Variants in GRM5 observed in about 807,000 individuals in gnomAD.
GRM5 encodes metabotropic glutamate receptor 5.
GRM5 carries 19 observed loss-of-function variants against 83.1 expected under a neutral mutation model. That is an observed-to-expected ratio of 0.23 (90% CI 0.16 to 0.34). The LOEUF (loss-of-function observed/expected upper bound fraction) is 0.34. Among genes scored for constraint, GRM5 ranks in the 10% least tolerant of loss-of-function variants. GRM5 has a pLI of 1.00. For missense variants in GRM5, 1,160 were observed against 1,588.3 expected (o/e 0.73, Z 4.58); for synonymous variants, 675 against 633.6 (o/e 1.07, Z -0.98).
intron 2 of GRM5, among the ~76,000 whole-genome samples, chr11:88,979,031 A>C (rs1161037138): frequency 6.6e-6 from 1 of 152,220 alleles, no homozygotes; most frequent in Non-Finnish European, 1.5e-5. Flanking sequence ...GTTTTAAGAA[A>C]AATTCATTTC....
At chr11:89,036,242 C>T (rs760024173) in intron 2 of GRM5, among the ~76,000 whole-genome samples, 1 of 151,972 alleles carries the variant, frequency 6.6e-6, no homozygotes, top group Non-Finnish European at 1.5e-5. Flanking sequence ...AGGAGGAAAG[C>T]GTGGGGTGTA....
At chr11:89,059,985 A>C (rs1321300948) in intron 1 of GRM5, among the ~76,000 whole-genome samples, 1 of 152,122 alleles carries the variant, frequency 6.6e-6, no homozygotes, top group Non-Finnish European at 1.5e-5. Flanking sequence ...ACATAAATTT[A>C]AGTAACTTGC....
At chr11:88,772,394 A>C (rs941948310) in intron 3 of GRM5, among the ~76,000 whole-genome samples, 8 of 151,608 alleles carry the variant, frequency 5.3e-5, no homozygotes, top group African/African-American at 1.9e-4. Context: ...TTTAAATATC[A>C]ATCATGTACT....
At chr11:88,608,722 A>G (rs996552125) in intron 4 of GRM5, among the ~76,000 whole-genome samples, 1 of 151,776 alleles carries the variant, frequency 6.6e-6, no homozygotes, top group Non-Finnish European at 1.5e-5. Context: ...GGGTTTCACC[A>G]TGTTAGCCAG....
rs200522161 is a variant in GRM5, at chr11:88,855,300, TG to T, written c.662-5146del. 1.2e-3 allele frequency among the ~76,000 whole-genome samples: 176 copies of T among 152,024 alleles called. 1 individual carries two copies. The highest frequency in any genetic ancestry group is 1.9e-3 in the Non-Finnish European group (128 of 67,858). Reference sequence around the variant, plus strand: ...ACCCTACCAACCACTATTTTTTGTTTGGTACTTTTTACTATTCTCTTTCATA... The same window carrying T: ...ACCCTACCAACCACTATTTTTTGTTTGTACTTTTTACTATTCTCTTTCATA... On this transcript the variant is annotated intron_variant, in intron 2 of 9. Transcript: ENST00000305447.
At chr11:88,615,916 G>A (rs117673366) in intron 4 of GRM5, among the ~76,000 whole-genome samples, 3 of 152,098 alleles carry the variant, frequency 2.0e-5, no homozygotes, top group African/African-American at 4.8e-5. Flanking sequence ...AGATGACATC[G>A]CACTTTGTGT....
chr11:88,695,734 T>C (rs566858848), intron 3 of GRM5, among the ~76,000 whole-genome samples: 18 of 152,014 alleles, frequency 1.2e-4, no homozygotes, highest in African/African-American at 4.1e-4. Context: ...GAAACGGGAG[T>C]GTAGTTCCCT....
chr11:88,938,146 A>T (rs1245887815), intron 2 of GRM5, among the ~76,000 whole-genome samples: 1 of 151,740 alleles, frequency 6.6e-6, no homozygotes, highest in Non-Finnish European at 1.5e-5. Flanking sequence ...TCAATATATC[A>T]AAACATCATG....
chr11:88,697,118 T>C (rs1436073434), intron 3 of GRM5, among the ~76,000 whole-genome samples: 1 of 152,228 alleles, frequency 6.6e-6, no homozygotes, highest in East Asian at 1.9e-4. Context: ...ATAGTATTTT[T>C]TATAAAATGT....
intron 4 of GRM5, among the ~76,000 whole-genome samples, chr11:88,606,293 C>A (rs191810202): frequency 5.9e-4 from 90 of 152,238 alleles, no homozygotes; most frequent in Non-Finnish European, 1.1e-3. Flanking sequence ...GAGGCTGAGG[C>A]GAGTGGATCA....
At chr11:88,590,935 C>T (rs2135208008) in intron 6 of GRM5, among the ~76,000 whole-genome samples, 1 of 152,176 alleles carries the variant, frequency 6.6e-6, no homozygotes, top group East Asian at 1.9e-4. Context: ...ATAAAGTTAG[C>T]TTGTGGCAGG....
intron 2 of GRM5, among the ~76,000 whole-genome samples, chr11:88,889,563 G>T (rs1945105209): frequency 6.6e-6 from 1 of 152,154 alleles, no homozygotes; most frequent in South Asian, 2.1e-4. Flanking sequence ...GCTTGGCATA[G>T]CTAAAGTTGA....
chr11:89,032,280 G>C (rs552953244), intron 2 of GRM5, among the ~76,000 whole-genome samples: 120 of 152,018 alleles, frequency 7.9e-4, no homozygotes, highest in African/African-American at 2.7e-3. Context: ...ATAGAGTCTA[G>C]ATCTATGTCC....
chr11:88,891,656 CTTCT>C (rs1450908010), intron 2 of GRM5, among the ~76,000 whole-genome samples: 1 of 147,758 alleles, frequency 6.8e-6, no homozygotes, highest in East Asian at 2.0e-4. Flanking sequence ...GATAACTAAA[CTTCT>C]TTGTCAGTCA....
At chr11:88,768,035 G>C (rs949779687) in intron 3 of GRM5, among the ~76,000 whole-genome samples, 6 of 151,752 alleles carry the variant, frequency 4.0e-5, no homozygotes, top group Non-Finnish European at 8.8e-5. Context: ...CAGTATGATG[G>C]GTCCTTAAAA....
At chr11:88,934,066 G>T in intron 2 of GRM5, among the ~76,000 whole-genome samples, 1 of 149,222 alleles carries the variant, frequency 6.7e-6, no homozygotes, top group South Asian at 2.1e-4. Context: ...AAAGTAAAAA[G>T]AAAAAAAAAG....
At chr11:88,804,330 T>C (rs1943458817) in intron 3 of GRM5, among the ~76,000 whole-genome samples, 1 of 147,808 alleles carries the variant, frequency 6.8e-6, no homozygotes, top group Non-Finnish European at 1.5e-5. Context: ...ATGTGGCACA[T>C]ATACACCATG....
chr11:88,920,428 ACCAAAAAAAAAAAAAC>A (rs1426057469), intron 2 of GRM5, among the ~76,000 whole-genome samples: 15 of 1,782 alleles, frequency 8.4e-3, no homozygotes, highest in African/African-American at 0.014. Flanking sequence ...AAAAAAAAAA[ACCAAAAAAAAAAAAAC>A]CTCAGGGCCC....
At chr11:88,679,658 G>A (rs1166127330) in intron 3 of GRM5, among the ~76,000 whole-genome samples, 3 of 152,036 alleles carry the variant, frequency 2.0e-5, no homozygotes, top group East Asian at 1.9e-4. Context: ...ACTTTTATGA[G>A]TCCCTTTAAT....
Sources: allele counts gnomAD v4.1 joint callset (sites outside exome capture counted in the v4.1 genomes callset), GRCh38; gene constraint gnomAD v4.1.1; transcripts MANE v1.5; gene names NCBI Gene and HGNC (gene_info 2026-07-23, HGNC 2026-07-21).